The following STRN3 variants were observed in gnomAD, a reference collection of about 807,000 sequenced individuals.
The protein encoded by STRN3 is striatin-3.
A neutral mutation model predicts 95.6 loss-of-function variants in STRN3; 29 were observed. That is an observed-to-expected ratio of 0.30 (90% CI 0.23 to 0.41). The LOEUF is 0.41. STRN3 is among the 10% of genes least tolerant of loss of function. STRN3 has a pLI of 1.00. For missense variants in STRN3, 890 were observed against 972.1 expected (o/e 0.92, Z 1.12); for synonymous variants, 331 against 357.6 (o/e 0.93, Z 0.84).
chr14:31,020,968 A>G (rs1679972637), intron 1 of STRN3, among the ~76,000 whole-genome samples: 1 of 152,164 alleles, frequency 6.6e-6, no homozygotes, highest in African/African-American at 2.4e-5. Flanking sequence ...TGTCTCATAC[A>G]TCATTATACA....
chr14:30,894,452 C>T lies in STRN3; in HGVS notation c.*959G>A, dbSNP rs1187618652. On this transcript the variant is annotated 3_prime_UTR_variant, in exon 18 of 18. Transcript: ENST00000357479. ...AACAAAAAGTGAAATAAATAATAGG[C>T]CATTAGCAAGATGGATAATCCTTGA... 6 of 152,480 alleles carry T rather than the reference C, an allele frequency of 3.9e-5. No individual in the cohort carries two copies. Among genetic ancestry groups the T allele is most frequent in the Admixed American group, 3.9e-4 (6 of 15,258 alleles). 9.4% of individuals were successfully genotyped at this position (152,480 alleles called of 1,614,324 possible).
chr14:31,016,574 C>T (rs544130930), intron 1 of STRN3, among the ~76,000 whole-genome samples: 1 of 152,054 alleles, frequency 6.6e-6, no homozygotes, highest in East Asian at 1.9e-4. Context: ...GACAGAGTCT[C>T]GCTCTGTCGC....
chr14:31,013,886 T>TATTATTATTTGAGACAGAGTGTC (rs1421389571), intron 1 of STRN3, among the ~76,000 whole-genome samples: 48 of 136,206 alleles, frequency 3.5e-4, no homozygotes, highest in South Asian at 4.6e-4. Context: ...TTATTATTAT[T>TATTATTATTTGAGACAGAGTGTC]ATTATTATTA....
intron 1 of STRN3, among the ~76,000 whole-genome samples, chr14:30,969,010 T>G (rs1299958848): frequency 1.3e-5 from 2 of 152,210 alleles, no homozygotes; most frequent in Non-Finnish European, 2.9e-5. Flanking sequence ...GTAAAGGAAA[T>G]TCTGTGTGTA....
intron 1 of STRN3, among the ~76,000 whole-genome samples, chr14:30,977,794 GAAAAAAAAAA>G (rs869303485): frequency 8.2e-5 from 9 of 109,926 alleles, no homozygotes; most frequent in Non-Finnish European, 1.0e-4. Context: ...ACTCTATCTC[GAAAAAAAAAA>G]AAAAAAAAAA....
At chr14:30,988,446 T>C (rs1881798416) in intron 1 of STRN3, among the ~76,000 whole-genome samples, 1 of 152,214 alleles carries the variant, frequency 6.6e-6, no homozygotes, top group African/African-American at 2.4e-5. Flanking sequence ...ACCAAATATA[T>C]TTACTCAACG....
At chr14:30,929,049 CA>C in intron 8 of STRN3, 151 bp downstream of exon 8, 2 of 542,188 alleles carry the variant, frequency 3.7e-6, no homozygotes, top group Non-Finnish European at 6.3e-6. Context: ...AAATTATATA[CA>C]AACAAATTTC....
In STRN3 at chr14:30,997,570, G is replaced by A. The variant is rs144518433; in HGVS notation, c.282+28334C>T. Among the ~76,000 whole-genome samples the A allele has an allele frequency of 1.2e-4, 18 of 152,264 alleles. No homozygotes were observed. The East Asian group carries it at 1.7e-3, about 15-fold the overall frequency. On this transcript the variant is annotated intron_variant, in intron 1 of 17. Transcript: ENST00000357479. ...TGGCTTAAACCTTCCCCTCCTTCCT[G>A]TCTTCAGCCTCCTGACCACCCTGGA... is the stretch of plus-strand genomic sequence containing the variant.
intron 1 of STRN3, among the ~76,000 whole-genome samples, chr14:31,007,144 T>G (rs179710): frequency 0.39 from 59,928 of 152,080 alleles, 12,585 homozygotes; most frequent in Non-Finnish European, 0.47. Context: ...TTCAGTAAAA[T>G]GAAAGAGTAA....
chr14:30,923,734 C>T (rs1896940866), intron 8 of STRN3, among the ~76,000 whole-genome samples: 1 of 152,062 alleles, frequency 6.6e-6, no homozygotes, highest in Non-Finnish European at 1.5e-5. Flanking sequence ...ATAAGAATAA[C>T]AGCTCCTATC....
intron 1 of STRN3, among the ~76,000 whole-genome samples, chr14:31,024,390 G>GAATTCTATA (rs1883676567): frequency 6.6e-6 from 1 of 152,156 alleles, no homozygotes. Flanking sequence ...TATACCAACA[G>GAATTCTATA]AATTCTATAA....
intron 1 of STRN3, among the ~76,000 whole-genome samples, chr14:31,005,574 G>C (rs2139303862): frequency 6.6e-6 from 1 of 152,252 alleles, no homozygotes; most frequent in African/African-American, 2.4e-5. Flanking sequence ...TTGGGGTCTC[G>C]AGTTTTTAGT....
intron 8 of STRN3, among the ~76,000 whole-genome samples, chr14:30,923,153 A>G (rs1896927000): frequency 6.6e-6 from 1 of 152,220 alleles, no homozygotes; most frequent in African/African-American, 2.4e-5. Flanking sequence ...TAGTGTGAGC[A>G]AAGGTGTTTT....
intron 1 of STRN3, among the ~76,000 whole-genome samples, chr14:30,996,532 G>T (rs1244134799): frequency 6.6e-6 from 1 of 152,140 alleles, no homozygotes; most frequent in African/African-American, 2.4e-5. Flanking sequence ...TCAAGAACTG[G>T]GTTTGGCCTG....
At chr14:30,985,049 G>A (rs538071714) in intron 1 of STRN3, among the ~76,000 whole-genome samples, 17 of 152,024 alleles carry the variant, frequency 1.1e-4, no homozygotes, top group Non-Finnish European at 2.1e-4. Flanking sequence ...GGACGCGGTG[G>A]TTCACACCTG....
intron 1 of STRN3, among the ~76,000 whole-genome samples, chr14:31,001,923 T>C (rs1594566830): frequency 6.6e-6 from 1 of 151,510 alleles, no homozygotes; most frequent in Non-Finnish European, 1.5e-5. Flanking sequence ...CCCAGCACTT[T>C]GGGAGGCCAA....
intron 3 of STRN3, among the ~76,000 whole-genome samples, chr14:30,953,577 A>T (rs533388492): frequency 6.6e-6 from 1 of 152,218 alleles, no homozygotes; most frequent in South Asian, 2.1e-4. Context: ...CACAAGCTTC[A>T]TGATGAACAT....
chr14:31,017,175 G>T (rs528192864), intron 1 of STRN3, among the ~76,000 whole-genome samples: 4 of 151,632 alleles, frequency 2.6e-5, no homozygotes, highest in Non-Finnish European at 4.4e-5. Flanking sequence ...TTTAAAAAGT[G>T]TAACAACTAT....
At chr14:30,959,842 G>C (rs1247671232) in intron 1 of STRN3, among the ~76,000 whole-genome samples, 3 of 151,868 alleles carry the variant, frequency 2.0e-5, no homozygotes, top group African/African-American at 7.3e-5. Context: ...CCAAAGATGG[G>C]CAAGAGCTTT....
Sources: gnomAD v4.1 joint callset for allele counts (sites outside exome capture counted in the v4.1 genomes callset) on GRCh38, gnomAD v4.1.1 for gene constraint, MANE v1.5 for transcripts, NCBI Gene and HGNC (gene_info 2026-07-23, HGNC 2026-07-21) for gene names.